PDE8B: variants seen among roughly 807,000 people sequenced by gnomAD.
The protein encoded by PDE8B is high affinity cAMP-specific and IBMX-insensitive 3',5'-cyclic phosphodiesterase 8B.
In PDE8B, 26 loss-of-function variants were observed where a neutral mutation model predicts 101.3. The ratio of observed to expected loss-of-function variants is 0.26; its 90% CI spans 0.19 to 0.36. PDE8B has a LOEUF of 0.36. Ranked by LOEUF, PDE8B falls within the 10% of genes least tolerant of loss-of-function variation. The pLI is 1.00. For synonymous variants in PDE8B, 424 were observed against 429.3 expected (o/e 0.99, Z 0.15); for missense variants, 810 against 1,163.1 (o/e 0.70, Z 4.42).
chr5:77,277,023 G>A (rs1763989770), intron 1 of PDE8B, among the ~76,000 whole-genome samples: 1 of 152,142 alleles, frequency 6.6e-6, no homozygotes, highest in Non-Finnish European at 1.5e-5. Context: ...GGATAAGACA[G>A]TTGCTTTCAC....
chr5:77,215,685 G>A (rs188624114), intron 1 of PDE8B, among the ~76,000 whole-genome samples: 140 of 152,312 alleles, frequency 9.2e-4, no homozygotes, highest in Non-Finnish European at 1.6e-3. Context: ...GAATATGCTG[G>A]TGAGGGCAGG....
At chr5:77,180,478 G>C in the PDE8B span, 12 of 985,264 alleles carry the variant, frequency 1.2e-5, no homozygotes, top group Middle Eastern at 2.1e-3. Context: ...CCCACCGAGC[G>C]CGTGCCAGGT....
rs886534352 is a variant in PDE8B at position 77,384,778 on chromosome 5, T to C, written c.1168-15470T>C. 2.2e-4 allele frequency among the ~76,000 whole-genome samples: 33 copies of C among 152,236 alleles called. 1 individual carries two copies. The highest frequency in any genetic ancestry group is 1.2e-3 in the Admixed American group (18 of 15,288). Reference sequence around the variant, plus strand: ...CTGTTTATGTGATGGGTCACAGTTATTAATTTGCGTATGTCTAACCAGCCA... The same window carrying C: ...CTGTTTATGTGATGGGTCACAGTTACTAATTTGCGTATGTCTAACCAGCCA... On this transcript the variant is annotated intron_variant, in intron 10 of 21. Transcript: ENST00000264917.
the PDE8B span, chr5:77,113,161 A>G: frequency 6.6e-6 from 1 of 152,206 alleles, no homozygotes; most frequent in Non-Finnish European, 1.5e-5. Flanking sequence ...ACAGAATTGG[A>G]AAAAACTACT....
the PDE8B span, chr5:77,146,904 G>A: frequency 5.5e-5 from 23 of 417,906 alleles, no homozygotes; most frequent in Admixed American, 8.4e-5. Flanking sequence ...AGTATTGCCC[G>A]AAAATCAAAG....
chr5:77,414,692 A>C (rs1187483501), intron 17 of PDE8B, among the ~76,000 whole-genome samples: 1 of 151,926 alleles, frequency 6.6e-6, no homozygotes, highest in East Asian at 1.9e-4. Flanking sequence ...AACCTCCCAA[A>C]GTGCTGAGAT....
chr5:77,370,913 G>C (rs1056866787), intron 10 of PDE8B, among the ~76,000 whole-genome samples: 1 of 152,128 alleles, frequency 6.6e-6, no homozygotes, highest in African/African-American at 2.4e-5. Flanking sequence ...ACAATTTTTC[G>C]TGTGCTATTG....
intron 1 of PDE8B, among the ~76,000 whole-genome samples, chr5:77,284,467 G>C (rs1765600628): frequency 6.6e-6 from 1 of 152,112 alleles, no homozygotes; most frequent in African/African-American, 2.4e-5. Context: ...ATTACATTTA[G>C]GTTAGATTTC....
chr5:77,320,185 A>G (rs1774717454), intron 2 of PDE8B, among the ~76,000 whole-genome samples: 1 of 152,054 alleles, frequency 6.6e-6, no homozygotes, highest in South Asian at 2.1e-4. Context: ...TCTTGCATGC[A>G]TATATTGTGT....
chr5:77,275,776 T>G (rs1351155816), intron 1 of PDE8B, among the ~76,000 whole-genome samples: 2 of 152,228 alleles, frequency 1.3e-5, no homozygotes, highest in Non-Finnish European at 2.9e-5. Flanking sequence ...TCCAAGATAT[T>G]TCTTTAAATG....
intron 11 of PDE8B, among the ~76,000 whole-genome samples, chr5:77,404,210 A>G (rs748521361): frequency 4.7e-4 from 72 of 151,666 alleles, no homozygotes; most frequent in Admixed American, 1.1e-3. Flanking sequence ...GTGGTCTCGA[A>G]CTCCTGACTT....
chr5:77,257,700 A>G (rs1165741404), intron 1 of PDE8B, among the ~76,000 whole-genome samples: 1 of 152,162 alleles, frequency 6.6e-6, no homozygotes, highest in Non-Finnish European at 1.5e-5. Context: ...ATACGTGTGC[A>G]GGATATGCAG....
Position 77,400,297 on chromosome 5 carries a change from A to G in PDE8B, c.1210+7A>G, listed in dbSNP as rs1472538466. On this transcript the variant is annotated splice_region_variant and intron_variant, in intron 11 of 21. Transcript: ENST00000264917. ...GGAGACAATTCTCAGACAGGTGAGAATACTTCAATTGAACTCTAACATACT... is the reference window on the plus strand; with the variant it reads ...GGAGACAATTCTCAGACAGGTGAGAGTACTTCAATTGAACTCTAACATACT... 2 of 1,552,400 alleles carry G rather than the reference A, an allele frequency of 1.3e-6. No individual in the cohort carries two copies. The highest frequency in any genetic ancestry group is 1.7e-5 in the Admixed American group (1 of 59,936).
At chr5:77,360,256 T>G (rs1782859597) in intron 10 of PDE8B, among the ~76,000 whole-genome samples, 1 of 63,258 alleles carries the variant, frequency 1.6e-5, no homozygotes, top group African/African-American at 9.9e-5. Flanking sequence ...AGGAGGGTTT[T>G]TTCCCGATAA....
chr5:77,264,012 T>A (rs1295770561), intron 1 of PDE8B, among the ~76,000 whole-genome samples: 2 of 152,228 alleles, frequency 1.3e-5, no homozygotes, highest in African/African-American at 2.4e-5. Flanking sequence ...TTCTGGACAT[T>A]TCATATGAAA....
At chr5:77,283,866 C>T (rs1378021369) in intron 1 of PDE8B, among the ~76,000 whole-genome samples, 1 of 152,108 alleles carries the variant, frequency 6.6e-6, no homozygotes, top group Non-Finnish European at 1.5e-5. Context: ...ATGCAATTTG[C>T]TGGATTATAT....
the PDE8B span, among the ~76,000 whole-genome samples, chr5:77,097,687 ATATATCTATATATATATATC>A: frequency 0.2 from 7,678 of 37,496 alleles, 1,236 homozygotes; most frequent in African/African-American, 0.37. Context: ...TGGAGATTTT[ATATATCTATATATATATATC>A]TATATATATA....
chr5:77,325,433 A>G (rs1775867580), intron 2 of PDE8B, 106 bp from the exon 3 acceptor site: 1 of 997,424 alleles, frequency 1.0e-6, no homozygotes, highest in African/African-American at 1.6e-5. Context: ...CCTCCCAAAG[A>G]GCTGGGATTA....
rs970919209 is a variant in PDE8B, at chr5:77,404,633, T to C, written c.1211-87T>C. 20 of 824,352 alleles carry C rather than the reference T, an allele frequency of 2.4e-5. No individual in the cohort carries two copies. The African/African-American group carries it at 3.0e-4, about 12-fold the overall frequency. 51.1% of individuals were successfully genotyped at this position (824,352 alleles called of 1,614,324 possible). On this transcript the variant is annotated intron_variant, in intron 11 of 21. Transcript: ENST00000264917. ...GCTTAAAAAGTAACCTTGTTTTCTTTAGAGAATAAAGAAAAAACATGTTTG... is the reference window on the plus strand; with the variant it reads ...GCTTAAAAAGTAACCTTGTTTTCTTCAGAGAATAAAGAAAAAACATGTTTG...
Sources: gnomAD v4.1 joint callset for allele counts (sites outside exome capture counted in the v4.1 genomes callset) on GRCh38, gnomAD v4.1.1 for gene constraint, MANE v1.5 for transcripts, NCBI Gene and HGNC (gene_info 2026-07-23, HGNC 2026-07-21) for gene names.